LGR5: variants seen among roughly 807,000 people sequenced by gnomAD.
LGR5 encodes leucine-rich repeat-containing G protein-coupled receptor 5.
LGR5 carries 54 observed loss-of-function variants against 76.7 expected under a neutral mutation model. The ratio of observed to expected loss-of-function variants is 0.70; its 90% confidence interval spans 0.57 to 0.88. LGR5 has a LOEUF of 0.88. Among genes scored for constraint, LGR5 ranks in the 40% least tolerant of loss-of-function variants. The pLI, the probability that LGR5 is intolerant of heterozygous loss-of-function variation, is 0.00. For missense variants in LGR5, 1,078 were observed against 1,073.3 expected (o/e 1.00, Z -0.06); for synonymous variants, 406 against 421.9 (o/e 0.96, Z 0.46).
At chr12:71,522,531 A>G (rs1432523515) in intron 2 of LGR5, among the ~76,000 whole-genome samples, 2 of 152,208 alleles carry the variant, frequency 1.3e-5, no homozygotes, top group Non-Finnish European at 2.9e-5. Flanking sequence ...TTCCTCCCCC[A>G]ATCCATTTTC....
At chr12:71,516,450 G>T (rs10879293) in intron 2 of LGR5, among the ~76,000 whole-genome samples, 80,277 of 151,872 alleles carry the variant, frequency 0.53, 21,657 homozygotes, top group East Asian at 0.86. Flanking sequence ...TCGGACCATG[G>T]TTTCCTGCAC....
At chr12:71,459,490 A>T (rs954395855) in intron 1 of LGR5, among the ~76,000 whole-genome samples, 29 of 152,228 alleles carry the variant, frequency 1.9e-4, no homozygotes, top group Admixed American at 7.9e-4. Flanking sequence ...TTCTTCTCAC[A>T]TTCATGGTAA....
chr12:71,474,668 T>G (rs1165631813), intron 1 of LGR5, among the ~76,000 whole-genome samples: 3 of 152,244 alleles, frequency 2.0e-5, no homozygotes, highest in African/African-American at 7.2e-5. Context: ...CTAGATTATG[T>G]CCTTGCCTGT....
At chr12:71,551,728 C>A (rs1465002426) in intron 4 of LGR5, among the ~76,000 whole-genome samples, 1 of 152,156 alleles carries the variant, frequency 6.6e-6, no homozygotes, top group East Asian at 1.9e-4. Flanking sequence ...GTATTGCACT[C>A]CCTCTGCTGG....
chr12:71,546,168 A>G (rs935380755), intron 4 of LGR5, among the ~76,000 whole-genome samples: 1 of 152,032 alleles, frequency 6.6e-6, no homozygotes, highest in Non-Finnish European at 1.5e-5. Context: ...CAAAAAAATT[A>G]GCTGGGTGTG....
chr12:71,491,485 C>T (rs991184374), intron 1 of LGR5, among the ~76,000 whole-genome samples: 14 of 151,646 alleles, frequency 9.2e-5, no homozygotes, highest in Non-Finnish European at 5.9e-5. Flanking sequence ...AAAGTTTTTC[C>T]ATGGAGGCTT....
chr12:71,519,051 A>C (rs1875593166), intron 2 of LGR5, among the ~76,000 whole-genome samples: 2 of 152,014 alleles, frequency 1.3e-5, no homozygotes, highest in Non-Finnish European at 2.9e-5. Flanking sequence ...TGATCACATT[A>C]CTCTCTGATC....
chr12:71,556,618 G>C lies in LGR5; in HGVS notation c.645-1G>C, dbSNP rs367734838. The C allele has an allele frequency of 6.2e-7, 1 of 1,600,540 alleles. No individual in the cohort carries two copies. Among genetic ancestry groups the C allele is most frequent in the Non-Finnish European group, 8.6e-7 (1 of 1,167,670 alleles). On this transcript the variant is annotated splice_acceptor_variant, in intron 5 of 17. Transcript: ENST00000266674. LOFTEE classifies it high-confidence loss of function. ...TAACTATCTGTAATGTTCTACTGCA[G>C]ACATCTCCATAACAATAGAATCCAC...
chr12:71,488,776 A>G (rs1873943936), intron 1 of LGR5, among the ~76,000 whole-genome samples: 1 of 152,194 alleles, frequency 6.6e-6, no homozygotes, highest in Non-Finnish European at 1.5e-5. Context: ...AGTTAATCCA[A>G]TAAACTTTAT....
intron 1 of LGR5, among the ~76,000 whole-genome samples, chr12:71,478,562 C>G (rs17814913): frequency 6.6e-6 from 1 of 152,060 alleles, no homozygotes; most frequent in Non-Finnish European, 1.5e-5. Context: ...GTCAATAAGT[C>G]CCAGATTGAA....
At chr12:71,521,594 CACTT>C (rs1460200380) in intron 2 of LGR5, among the ~76,000 whole-genome samples, 1 of 152,164 alleles carries the variant, frequency 6.6e-6, no homozygotes. Context: ...TGAGTTTAGT[CACTT>C]AATCAGGTTT....
chr12:71,486,592 C>T (rs1211238872), intron 1 of LGR5, among the ~76,000 whole-genome samples: 14 of 152,146 alleles, frequency 9.2e-5, no homozygotes, highest in Middle Eastern at 6.8e-3. Context: ...ATATCTGATT[C>T]GTCAACATAA....
chr12:71,564,078 G>A (rs1346667753), intron 8 of LGR5, among the ~76,000 whole-genome samples: 2 of 1,974 alleles, frequency 1.0e-3, no homozygotes, highest in Non-Finnish European at 7.5e-3. Context: ...GCATATATAC[G>A]TATCTGTACA....
At chr12:71,525,817 G>A (rs1409009636) in intron 3 of LGR5, among the ~76,000 whole-genome samples, 5 of 151,006 alleles carry the variant, frequency 3.3e-5, no homozygotes, top group South Asian at 2.1e-4. Flanking sequence ...TTATATATAA[G>A]CTAGTTATTA....
Position 71,448,585 on chromosome 12 carries a change from G to A in LGR5, c.212+8293G>A, listed in dbSNP as rs1391867020. 4.6e-5 allele frequency: 7 copies of A among 152,202 alleles called. No homozygotes were observed. In the East Asian group the frequency reaches 1.3e-3, roughly 29 times the overall value. 9.4% of individuals were successfully genotyped at this position (152,202 alleles called of 1,614,324 possible). On this transcript the variant is annotated intron_variant, in intron 1 of 17. Coordinates refer to ENST00000266674, the MANE Select transcript of LGR5 (RefSeq NM_003667.4). ...TTTCTCGTGAGGCACTTACTTGAAG[G>A]AACTCTGTTACATAATCAATTGGTC...
At chr12:71,466,861 C>T (rs545589480) in intron 1 of LGR5, among the ~76,000 whole-genome samples, 7 of 152,158 alleles carry the variant, frequency 4.6e-5, no homozygotes, top group South Asian at 2.1e-4. Flanking sequence ...ATTGGTAACA[C>T]GTCCTCCTTG....
chr12:71,480,079 G>T (rs1032397532), intron 1 of LGR5, among the ~76,000 whole-genome samples: 1 of 152,054 alleles, frequency 6.6e-6, no homozygotes, highest in African/African-American at 2.4e-5. Context: ...GAATGAGGAA[G>T]GAGGCTGGGT....
At position 71,440,091 on chromosome 12, in the gene LGR5, C is replaced by A; in HGVS notation, c.11C>A (p.Ser4Tyr). 6.2e-7 allele frequency: 1 copy of A among 1,603,308 alleles called. No homozygotes were observed. Among genetic ancestry groups the A allele is most frequent in the Non-Finnish European group, 8.5e-7 (1 of 1,179,874 alleles). Residue 4 changes from serine to tyrosine, a missense_variant, in exon 1 of 18, where the codon TCC becomes TAC. Ser to Tyr is a moderately radical substitution (Grantham distance 144, BLOSUM62 -2). Coordinates refer to ENST00000266674, the MANE Select transcript of LGR5 (RefSeq NM_003667.4). The surrounding 1 kb of genome is among the most constrained non-coding windows in gnomAD (Gnocchi z 5.3). ...CCTACTTCGGGCACCATGGACACCT[C>A]CCGGCTCGGTGTGCTCCTGTCCTTG... MDT[S>Y]RLGVLLSLPV...
intron 2 of LGR5, among the ~76,000 whole-genome samples, chr12:71,507,709 C>T (rs575356084): frequency 3.3e-5 from 5 of 152,180 alleles, no homozygotes; most frequent in East Asian, 1.9e-4. Flanking sequence ...ACCACCCATA[C>T]AGCTAGAAAT....
Sources: gnomAD v4.1 joint callset for allele counts (sites outside exome capture counted in the v4.1 genomes callset) on GRCh38, gnomAD v4.1.1 for gene constraint, Gnocchi (gnomAD v3.1) non-coding constraint, MANE v1.5 for transcripts, NCBI Gene and HGNC (gene_info 2026-07-23, HGNC 2026-07-21) for gene names.